The following LIMA1 variants were observed in gnomAD, a reference collection of about 807,000 sequenced individuals.
LIMA1 encodes LIM domain and actin-binding protein 1.
Under a neutral mutation model 62.6 loss-of-function variants are expected in LIMA1, and 52 were observed. That is an observed-to-expected ratio of 0.83 (90% CI 0.67 to 1.05). The LOEUF (loss-of-function observed/expected upper bound fraction) is 1.05, where lower values mean the gene tolerates loss of function less well. Ranked by LOEUF, LIMA1 falls within the 50% of genes least tolerant of loss-of-function variation. LIMA1 has a pLI of 0.00. For synonymous variants in LIMA1, 302 were observed against 317.8 expected, an observed-to-expected ratio of 0.95 and a Z score of 0.53; for missense variants, 780 against 902.2, an observed-to-expected ratio of 0.86 and a Z score of 1.74.
Position 50,261,666 on chromosome 12 carries a change from A to T in LIMA1, c.-23-12892T>A, listed in dbSNP as rs145611496. 1.7e-3 allele frequency among the ~76,000 whole-genome samples: 255 copies of T among 152,164 alleles called. 1 individual carries two copies. Among genetic ancestry groups the T allele is most frequent in the Non-Finnish European group, 3.1e-3 (213 of 67,992 alleles). On this transcript the variant is annotated intron_variant, in intron 1 of 10. Transcript: ENST00000341247. ...GTATTAGACCTATCCCTACCTGATCAGATGGTAATTTTTTTTCTGAGACAA... is the reference window on the plus strand; with the variant it reads ...GTATTAGACCTATCCCTACCTGATCTGATGGTAATTTTTTTTCTGAGACAA...
At chr12:50,248,597 G>T in intron 2 of LIMA1, 36 bp downstream of exon 2, 2 of 1,310,040 alleles carry the variant, frequency 1.5e-6, no homozygotes, top group South Asian at 1.2e-5. Context: ...GTGTGCTCCA[G>T]ACAGATGGTC....
chr12:50,265,542 T>C (rs1245171642), intron 1 of LIMA1, among the ~76,000 whole-genome samples: 1 of 151,970 alleles, frequency 6.6e-6, no homozygotes, highest in Non-Finnish European at 1.5e-5. Flanking sequence ...AAATTGCTCA[T>C]CACTATATAA....
chr12:50,248,930 T>G (rs1026931915), intron 1 of LIMA1, among the ~76,000 whole-genome samples, 156 bp from the exon 2 acceptor site: 2 of 152,170 alleles, frequency 1.3e-5, no homozygotes, highest in African/African-American at 4.8e-5. Flanking sequence ...TCCAATATCT[T>G]TGGGTTGTGG....
At chr12:50,180,193 G>A (rs182154330) in intron 10 of LIMA1, among the ~76,000 whole-genome samples, 8 of 152,044 alleles carry the variant, frequency 5.3e-5, no homozygotes, top group Admixed American at 2.0e-4. Flanking sequence ...CCAACCACTC[G>A]GGAGGCTGAG....
At chr12:50,274,283 AAT>A (rs747783114) in intron 1 of LIMA1, among the ~76,000 whole-genome samples, 1 of 152,182 alleles carries the variant, frequency 6.6e-6, no homozygotes, top group Non-Finnish European at 1.5e-5. Context: ...CTGAAGATAT[AAT>A]GTTAAAAATG....
intron 7 of LIMA1, among the ~76,000 whole-genome samples, chr12:50,200,480 C>T (rs892591746): frequency 3.9e-5 from 6 of 152,238 alleles, no homozygotes; most frequent in East Asian, 1.9e-4. Flanking sequence ...GGATTACAGG[C>T]GTGAGCCACT....
intron 4 of LIMA1, among the ~76,000 whole-genome samples, chr12:50,218,895 T>TAAAAAAAAAA (rs1409254811): frequency 2.7e-5 from 2 of 74,008 alleles, no homozygotes; most frequent in Admixed American, 1.4e-4. Flanking sequence ...CCTATCTCCA[T>TAAAAAAAAAA]AAAAAAAAAA....
intron 1 of LIMA1, among the ~76,000 whole-genome samples, chr12:50,279,180 AT>A (rs1437133312): frequency 6.6e-6 from 1 of 150,678 alleles, no homozygotes; most frequent in African/African-American, 2.4e-5. Flanking sequence ...TAATTTTTGT[AT>A]TTTTAGTAGA....
chr12:50,222,644 A>C, intron 3 of LIMA1, 159 bp from the exon 4 acceptor site: 1 of 1,530,688 alleles, frequency 6.5e-7, no homozygotes, highest in Non-Finnish European at 8.7e-7. Flanking sequence ...TGGAGAAAGC[A>C]TCCACCCGGC....
chr12:50,269,887 T>C (rs1451551631), intron 1 of LIMA1, among the ~76,000 whole-genome samples: 1 of 126,550 alleles, frequency 7.9e-6, no homozygotes, highest in African/African-American at 3.2e-5. Context: ...ACCATTGCAC[T>C]CCAACCTGGG....
At chr12:50,196,857 C>G (rs992637334) in intron 7 of LIMA1, among the ~76,000 whole-genome samples, 1 of 152,192 alleles carries the variant, frequency 6.6e-6, no homozygotes, top group African/African-American at 2.4e-5. Context: ...GGTACAATCA[C>G]AGCCAGCATT....
chr12:50,234,432 C>T (rs1461023978), intron 2 of LIMA1, among the ~76,000 whole-genome samples: 2 of 152,040 alleles, frequency 1.3e-5, no homozygotes, highest in African/African-American at 4.8e-5. Flanking sequence ...TTGTCTCGAA[C>T]TCCTGGCCTC....
chr12:50,242,938 G>A (rs1485680177), intron 2 of LIMA1, among the ~76,000 whole-genome samples: 1 of 152,168 alleles, frequency 6.6e-6, no homozygotes, highest in Non-Finnish European at 1.5e-5. Flanking sequence ...AAACTACCAG[G>A]CTAGATTCTC....
chr12:50,238,158 A>C (rs949638008), intron 2 of LIMA1, among the ~76,000 whole-genome samples: 2 of 152,148 alleles, frequency 1.3e-5, no homozygotes, highest in African/African-American at 4.8e-5. Flanking sequence ...ATTGGAATAC[A>C]ACACCAAAAG....
intron 9 of LIMA1, among the ~76,000 whole-genome samples, chr12:50,184,769 T>C (rs367695572): frequency 2.0e-5 from 3 of 152,194 alleles, no homozygotes; most frequent in Non-Finnish European, 4.4e-5. Flanking sequence ...AGGACAAATG[T>C]ATTTATCAGA....
intron 7 of LIMA1, among the ~76,000 whole-genome samples, chr12:50,198,652 G>T (rs542774728): frequency 2.0e-5 from 3 of 152,174 alleles, no homozygotes; most frequent in Admixed American, 1.3e-4. Flanking sequence ...TGGCGTCAAG[G>T]GTGTCAATAA....
chr12:50,187,886 C>T (rs900089744), intron 9 of LIMA1: 1 of 152,180 alleles, frequency 6.6e-6, no homozygotes, highest in Non-Finnish European at 1.5e-5. Context: ...CCTCTGGGAA[C>T]GTTTAGGGGA....
intron 4 of LIMA1, chr12:50,217,883 T>C (rs1301771332): frequency 6.0e-6 from 1 of 166,126 alleles, no homozygotes; most frequent in African/African-American, 2.4e-5. Context: ...ATTTCAAGCA[T>C]TTCAAGTGAT....
At chr12:50,208,522 C>T (rs554278753) in intron 4 of LIMA1, among the ~76,000 whole-genome samples, 31 of 151,902 alleles carry the variant, frequency 2.0e-4, no homozygotes, top group Non-Finnish European at 2.9e-4. Context: ...TTATGGCATG[C>T]GCCTGTAGTC....
Sources: allele counts gnomAD v4.1 joint callset (sites outside exome capture counted in the v4.1 genomes callset), GRCh38; gene constraint gnomAD v4.1.1; transcripts MANE v1.5; gene names NCBI Gene and HGNC (gene_info 2026-07-23, HGNC 2026-07-21).